Variants in SEPTIN6 observed in about 807,000 individuals in gnomAD.
The protein encoded by SEPTIN6 is septin-6.
Under a neutral mutation model 33.6 loss-of-function variants are expected in SEPTIN6, and 8 were observed. The ratio of observed to expected loss-of-function variants is 0.24; its 90% confidence interval spans 0.14 to 0.43. SEPTIN6 has a LOEUF of 0.43. SEPTIN6 is among the 20% of genes least tolerant of loss of function. SEPTIN6 has a pLI of 1.00. For missense variants in SEPTIN6, 250 were observed against 340.8 expected, an observed-to-expected ratio of 0.73 and a Z score of 2.10; for synonymous variants, 131 against 140.0, an observed-to-expected ratio of 0.94 and a Z score of 0.45.
intron 1 of SEPTIN6, chrX:119,686,727 C>T (rs2055062895): frequency 4.3e-6 from 2 of 465,212 alleles, no homozygotes; most frequent in Non-Finnish European, 6.5e-6. Context: ...TCCATCATTA[C>T]ATGGCTGGTG....
intron 3 of SEPTIN6, among the ~76,000 whole-genome samples, chrX:119,662,232 G>C (rs2054560739): frequency 8.9e-6 from 1 of 111,880 alleles, no homozygotes; most frequent in Admixed American, 9.5e-5. Context: ...CCTCTACCTT[G>C]ATAACCCAAT....
Position 119,617,925 on chromosome X carries a change from C to G in SEPTIN6, c.*2168G>C. On this transcript the variant is annotated 3_prime_UTR_variant, in exon 11 of 11. Coordinates refer to ENST00000394610, the MANE Select transcript of SEPTIN6 (RefSeq NM_145799.4). ...TTATTCAGAGCTTCTCAAGCCTTAA[C>G]TAGTTAATCTGTACACAAATGCAAA... is the stretch of plus-strand genomic sequence containing the variant. 21 of 803,688 alleles carry G rather than the reference C, an allele frequency of 2.6e-5. No individual in the cohort carries two copies. Among genetic ancestry groups the G allele is most frequent in the Non-Finnish European group, 3.1e-5 (21 of 669,477 alleles). 66.2% of individuals were successfully genotyped at this position (803,688 alleles called of 1,213,427 possible).
At chrX:119,616,906 GA>G (rs1371836358), downstream of SEPTIN6, 2 of 1,081,154 alleles carry the variant, frequency 1.8e-6, no homozygotes, top group Non-Finnish European at 2.4e-6. Context: ...TCACCACGGG[GA>G]AATCTGCTGA....
rs1313424364 is a variant in SEPTIN6, at chrX:119,619,332, T to C, written c.*761A>G. On this transcript the variant is annotated 3_prime_UTR_variant, in exon 11 of 11. Transcript: ENST00000394610. The stretch of plus-strand genomic sequence containing the variant: ...TCAAGACTCTAGGCTGGTAATAATA[T>C]TCAGGTTTATTCTCCCTTTTGCATC... 4 of 813,204 alleles carry C rather than the reference T, an allele frequency of 4.9e-6. No individual in the cohort carries two copies. Among genetic ancestry groups the C allele is most frequent in the Admixed American group, 7.4e-5 (1 of 13,603 alleles). The allele number at this position is 813,204 out of a possible 1,213,427, so 67.0% of individuals were successfully genotyped here.
chrX:119,624,717 T>C (rs1324926561), intron 10 of SEPTIN6, among the ~76,000 whole-genome samples: 1 of 110,908 alleles, frequency 9.0e-6, no homozygotes, highest in Non-Finnish European at 1.9e-5. Flanking sequence ...TTATAGCTCC[T>C]TTTGTTTTTG....
At chrX:119,691,026 C>G (rs946838597) in intron 1 of SEPTIN6, among the ~76,000 whole-genome samples, 11 of 111,484 alleles carry the variant, frequency 9.9e-5, no homozygotes, top group Non-Finnish European at 1.5e-4. Context: ...GTCTCGAGTG[C>G]TTAGGCTGCT....
chrX:119,655,417 G>A (rs1353235277), intron 3 of SEPTIN6, among the ~76,000 whole-genome samples: 1 of 111,034 alleles, frequency 9.0e-6, no homozygotes, highest in Non-Finnish European at 1.9e-5. Flanking sequence ...ACTCTGTTGT[G>A]CTGCTCACTG....
chrX:119,665,355 C>T (rs138497096), intron 2 of SEPTIN6, among the ~76,000 whole-genome samples: 5,114 of 111,506 alleles, frequency 0.046, 281 homozygotes, highest in African/African-American at 0.16. Context: ...CCACCTGCCT[C>T]GGCCTCCCGA....
chrX:119,659,334 C>T (rs2054501749), intron 3 of SEPTIN6, among the ~76,000 whole-genome samples: 1 of 111,740 alleles, frequency 8.9e-6, no homozygotes, highest in South Asian at 3.7e-4. Context: ...GATGCCTTTA[C>T]ATGCTTACTT....
At chrX:119,647,915 A>G in intron 5 of SEPTIN6, among the ~76,000 whole-genome samples, 1 of 107,940 alleles carries the variant, frequency 9.3e-6, no homozygotes, top group African/African-American at 3.5e-5. Flanking sequence ...GGCCCCCGAA[A>G]GTGTTGGAAT....
At position 119,652,917 on chromosome X, in the gene SEPTIN6, A is replaced by C; in HGVS notation, c.465T>G (p.Ile155Met). Reference sequence around the variant, plus strand: ...ACTTCAGGGAATGACCCGTGGGGGCAATGAAATACAAGCAGACATGGATTC... The same window carrying C: ...ACTTCAGGGAATGACCCGTGGGGGCCATGAAATACAAGCAGACATGGATTC... The part of the protein sequence containing the change: ...DSRIHVCLYF[I>M]APTGHSLKSL... The change falls in exon 4 of 11, where the codon ATT (isoleucine) becomes ATG (methionine). Residue 155 changes from isoleucine to methionine, a missense_variant. Around this residue, in one of 2 missense-constraint regions of SEPTIN6, gnomAD observed 139 missense variants for 227.0 expected, o/e 0.61. Coordinates refer to ENST00000394610, the MANE Select transcript of SEPTIN6 (RefSeq NM_145799.4). The C allele has an allele frequency of 8.3e-7, 1 of 1,210,223 alleles. No homozygotes were observed. Among genetic ancestry groups the C allele is most frequent in the South Asian group, 1.8e-5 (1 of 56,900 alleles).
chrX:119,646,751 T>A (rs770844648), intron 5 of SEPTIN6: 1 of 290,831 alleles, frequency 3.4e-6, no homozygotes, highest in South Asian at 3.5e-5. Context: ...CCTATGACAA[T>A]TGGCTGGGGT....
At chrX:119,620,586 T>C (rs1409811765) in intron 10 of SEPTIN6, among the ~76,000 whole-genome samples, 1 of 110,322 alleles carries the variant, frequency 9.1e-6, no homozygotes, top group African/African-American at 3.3e-5. Flanking sequence ...CCCAAAGTGC[T>C]GGGATTACAG....
At chrX:119,668,333 AC>A (rs2054683433) in intron 2 of SEPTIN6, among the ~76,000 whole-genome samples, 189 of 55,064 alleles carry the variant, frequency 3.4e-3, no homozygotes, top group African/African-American at 0.011. Flanking sequence ...AGAGAGAGAG[AC>A]AGAGAGAGAG....
At position 119,617,099 on chromosome X, in the gene SEPTIN6, CGTGTGTGTGTGTGTGTGTGTGTGTGTGT is replaced by C. The variant is rs55820919; in HGVS notation, c.*2966_*2993del. The stretch of plus-strand genomic sequence containing the variant: ...TTAAGAGAAGTGAGGGATGTGTGTA[CGTGTGTGTGTGTGTGTGTGTGTGTGTGT>C]GTGTGTGTGTGTGTGTGTGTGTTTC... On this transcript the variant is annotated 3_prime_UTR_variant, in exon 11 of 11. Transcript: ENST00000394610. The C allele has an allele frequency of 7.2e-6, 5 of 692,426 alleles. No homozygotes were observed. The highest frequency in any genetic ancestry group is 7.5e-4 in the Middle Eastern group (1 of 1,327). The allele number at this position is 692,426 out of a possible 1,213,427, so 57.1% of individuals were successfully genotyped here.
chrX:119,629,652 T>G, intron 8 of SEPTIN6, 144 bp from the exon 9 acceptor site: 1 of 489,053 alleles, frequency 2.0e-6, no homozygotes, highest in Non-Finnish European at 3.5e-6. Flanking sequence ...GGGATTGCTA[T>G]GATGGCACCA....
At chrX:119,671,361 C>T (rs963134194) in intron 2 of SEPTIN6, among the ~76,000 whole-genome samples, 10 of 107,626 alleles carry the variant, frequency 9.3e-5, no homozygotes, top group Non-Finnish European at 1.4e-4. Context: ...GACCTCCGCT[C>T]ACTGTAAGCT....
intron 6 of SEPTIN6, among the ~76,000 whole-genome samples, chrX:119,639,715 G>C (rs992163885): frequency 2.7e-5 from 3 of 111,088 alleles, no homozygotes; most frequent in African/African-American, 9.8e-5. Context: ...TTTCTTTATA[G>C]TTTTACCTCT....
At chrX:119,664,770 G>A (rs994681956) in intron 2 of SEPTIN6, among the ~76,000 whole-genome samples, 2 of 104,096 alleles carry the variant, frequency 1.9e-5, no homozygotes, top group Admixed American at 2.1e-4. Context: ...AACCAGGGGA[G>A]GCAGAGGTTG....
Sources: allele counts gnomAD v4.1 joint callset (sites outside exome capture counted in the v4.1 genomes callset), GRCh38; gene constraint gnomAD v4.1.1; regional missense constraint gnomAD v4.1.1; transcripts MANE v1.5; gene names NCBI Gene and HGNC (gene_info 2026-07-23, HGNC 2026-07-21).